LHFPL3: variants seen among roughly 807,000 people sequenced by gnomAD.
The protein encoded by LHFPL3 is LHFPL tetraspan subfamily member 3 protein.
LHFPL3 carries 5 observed loss-of-function variants against 19.3 expected under a neutral mutation model. The observed-to-expected ratio is 0.26, with a 90% CI of 0.14 to 0.54. The LOEUF is 0.54. LHFPL3 is among the 20% of genes least tolerant of loss of function. LHFPL3 has a pLI of 0.94. For missense variants in LHFPL3, 249 were observed against 307.4 expected (o/e 0.81, Z 1.42); for synonymous variants, 133 against 126.2 (o/e 1.05, Z -0.36).
intron 2 of LHFPL3, among the ~76,000 whole-genome samples, chr7:104,794,522 A>G (rs942146937): frequency 1.3e-5 from 2 of 152,238 alleles, no homozygotes; most frequent in Non-Finnish European, 1.5e-5. Flanking sequence ...GCAGATGTTC[A>G]TCACACAGCT....
chr7:104,619,455 G>A (rs1299440233), intron 1 of LHFPL3, among the ~76,000 whole-genome samples: 3 of 151,458 alleles, frequency 2.0e-5, no homozygotes, highest in Non-Finnish European at 4.4e-5. Context: ...TTCTTTGCCA[G>A]TACTCATATT....
At chr7:104,467,044 G>A (rs1174760482) in intron 1 of LHFPL3, among the ~76,000 whole-genome samples, 2 of 151,974 alleles carry the variant, frequency 1.3e-5, no homozygotes, top group African/African-American at 4.8e-5. Flanking sequence ...CTTTGCATTC[G>A]TGCACCTTTC....
intron 2 of LHFPL3, among the ~76,000 whole-genome samples, chr7:104,852,960 C>T (rs1035057973): frequency 7.2e-5 from 11 of 152,182 alleles, no homozygotes; most frequent in Non-Finnish European, 1.5e-4. Flanking sequence ...TGTGCCTGCC[C>T]AGTAACCACT....
At chr7:104,337,650 A>G (rs1036820608) in intron 1 of LHFPL3, among the ~76,000 whole-genome samples, 1 of 152,206 alleles carries the variant, frequency 6.6e-6, no homozygotes, top group Non-Finnish European at 1.5e-5. Context: ...CTAGTTATAA[A>G]TTGTGAGTTT....
At chr7:104,577,420 C>T (rs1393930001) in intron 1 of LHFPL3, among the ~76,000 whole-genome samples, 2 of 152,062 alleles carry the variant, frequency 1.3e-5, no homozygotes, top group Admixed American at 6.6e-5. Context: ...AGATATCTAA[C>T]AGGAGGAACA....
At chr7:104,882,062 G>C (rs1302113706) in intron 2 of LHFPL3, among the ~76,000 whole-genome samples, 2 of 152,090 alleles carry the variant, frequency 1.3e-5, no homozygotes, top group Admixed American at 6.6e-5. Context: ...TCACTTTATT[G>C]CAGTGGTCTG....
At chr7:104,772,804 G>A (rs1306573398) in intron 2 of LHFPL3, among the ~76,000 whole-genome samples, 1 of 152,232 alleles carries the variant, frequency 6.6e-6, no homozygotes, top group African/African-American at 2.4e-5. Flanking sequence ...GCTCAATGGG[G>A]AAGACACATG....
At chr7:104,568,418 C>A (rs906810895) in intron 1 of LHFPL3, among the ~76,000 whole-genome samples, 4 of 152,162 alleles carry the variant, frequency 2.6e-5, no homozygotes, top group Non-Finnish European at 4.4e-5. Context: ...ATGGTATGTA[C>A]TCAGTATTTG....
At chr7:104,835,888 G>A (rs1791085296) in intron 2 of LHFPL3, among the ~76,000 whole-genome samples, 2 of 151,940 alleles carry the variant, frequency 1.3e-5, no homozygotes, top group Admixed American at 6.5e-5. Flanking sequence ...AGCCCCGCAT[G>A]CATTAGGTAT....
At chr7:104,381,754 T>G (rs1279636803) in intron 1 of LHFPL3, among the ~76,000 whole-genome samples, 1 of 152,196 alleles carries the variant, frequency 6.6e-6, no homozygotes, top group Non-Finnish European at 1.5e-5. Flanking sequence ...TCCATTTACA[T>G]TCTACCAAAA....
chr7:104,671,495 G>A (rs1295753781), intron 1 of LHFPL3, among the ~76,000 whole-genome samples: 1 of 149,442 alleles, frequency 6.7e-6, no homozygotes, highest in Non-Finnish European at 1.5e-5. Flanking sequence ...TTACCTGGGA[G>A]ATGTCTTGAT....
intron 1 of LHFPL3, among the ~76,000 whole-genome samples, chr7:104,570,618 G>C (rs965037650): frequency 6.6e-6 from 1 of 152,032 alleles, no homozygotes; most frequent in Non-Finnish European, 1.5e-5. Flanking sequence ...TGTTTGTCTT[G>C]GAACAAATGC....
intron 1 of LHFPL3, among the ~76,000 whole-genome samples, chr7:104,715,901 C>T (rs915288393): frequency 6.6e-6 from 1 of 152,146 alleles, no homozygotes. Flanking sequence ...GTAATATTCG[C>T]CTCATAAAAT....
intron 2 of LHFPL3, among the ~76,000 whole-genome samples, chr7:104,836,636 G>A (rs918004826): frequency 2.0e-5 from 3 of 152,114 alleles, no homozygotes; most frequent in Non-Finnish European, 4.4e-5. Context: ...TCAGGGCTAC[G>A]GTGCCATGAA....
intron 1 of LHFPL3, among the ~76,000 whole-genome samples, chr7:104,648,963 G>A (rs1302227902): frequency 1.3e-5 from 2 of 152,146 alleles, no homozygotes; most frequent in African/African-American, 4.8e-5. Flanking sequence ...AAGCTCTATG[G>A]ACACATCCTG....
At chr7:104,460,428 T>G (rs1447764264) in intron 1 of LHFPL3, among the ~76,000 whole-genome samples, 1 of 152,226 alleles carries the variant, frequency 6.6e-6, no homozygotes. Flanking sequence ...ATTGACACAC[T>G]GCTTTCTACA....
intron 1 of LHFPL3, among the ~76,000 whole-genome samples, chr7:104,733,913 C>T (rs990149092): frequency 2.0e-5 from 3 of 152,118 alleles, no homozygotes; most frequent in Non-Finnish European, 4.4e-5. Context: ...GTAGGGCAGG[C>T]CTGGTGGTGA....
At chr7:104,784,871 C>T (rs1363086708) in intron 2 of LHFPL3, among the ~76,000 whole-genome samples, 1 of 152,104 alleles carries the variant, frequency 6.6e-6, no homozygotes, top group Non-Finnish European at 1.5e-5. Flanking sequence ...AGTTGTCAAA[C>T]TCATGGAAGT....
intron 1 of LHFPL3, among the ~76,000 whole-genome samples, chr7:104,544,239 A>G (rs1313218185): frequency 6.6e-6 from 1 of 152,124 alleles, no homozygotes; most frequent in African/African-American, 2.4e-5. Flanking sequence ...ATTCCAATGA[A>G]TTTTAAGATT....
Sources: allele counts gnomAD v4.1 joint callset (sites outside exome capture counted in the v4.1 genomes callset), GRCh38; gene constraint gnomAD v4.1.1; transcripts MANE v1.5; gene names NCBI Gene and HGNC (gene_info 2026-07-23, HGNC 2026-07-21).